Variants in PAGE2B observed in about 807,000 individuals in gnomAD.
PAGE2B encodes putative G antigen family E member 3.
PAGE2B carries 5 observed loss-of-function variants against 7.6 expected under a neutral mutation model. The ratio of observed to expected loss-of-function variants is 0.66; its 90% CI spans 0.34 to 1.38. The LOEUF (loss-of-function observed/expected upper bound fraction) is 1.38. PAGE2B is among the 40% of genes most tolerant of loss of function. The pLI is 0.04. For missense variants in PAGE2B, 70 were observed against 78.4 expected (o/e 0.89, Z 0.41); for synonymous variants, 29 against 26.7 (o/e 1.09, Z -0.27).
At chrX:55,050,651 C>A in the PAGE2B span, among the ~76,000 whole-genome samples, 2 of 110,349 alleles carry the variant, frequency 1.8e-5, no homozygotes, top group Middle Eastern at 4.7e-3. Flanking sequence ...TTTTGTTTTC[C>A]ATTTGCTTGG....
At chrX:55,045,471 T>C in the PAGE2B span, among the ~76,000 whole-genome samples, 1 of 111,681 alleles carries the variant, frequency 9.0e-6, no homozygotes, top group Non-Finnish European at 1.9e-5. Context: ...CATTTTTCTA[T>C]GACTAACATG....
At chrX:55,065,313 T>C in the PAGE2B span, among the ~76,000 whole-genome samples, 1 of 111,956 alleles carries the variant, frequency 8.9e-6, no homozygotes, top group Non-Finnish European at 1.9e-5. Flanking sequence ...ACCTTCTTTG[T>C]CTCTTCTCAT....
the PAGE2B span, chrX:55,055,539 CTCT>C: frequency 8.9e-6 from 1 of 112,653 alleles, no homozygotes; most frequent in African/African-American, 3.3e-5. Context: ...CTGCTTTTAT[CTCT>C]TCTTTGCATT....
chrX:55,063,520 C>T, the PAGE2B span, among the ~76,000 whole-genome samples: 21 of 110,534 alleles, frequency 1.9e-4, no homozygotes, highest in African/African-American at 3.9e-4. Context: ...AAGGATGATT[C>T]GACTCCTTCC....
upstream of PAGE2B, among the ~76,000 whole-genome samples, chrX:55,070,036 C>T (rs1209689740): frequency 9.0e-6 from 1 of 111,050 alleles, no homozygotes; most frequent in Admixed American, 9.6e-5. Context: ...TTTGTATCTC[C>T]TTCAGTTCTG....
chrX:55,039,484 C>T, the PAGE2B span, among the ~76,000 whole-genome samples: 3 of 95,702 alleles, frequency 3.1e-5, no homozygotes, highest in Admixed American at 1.2e-4. Flanking sequence ...GAAGAAAATT[C>T]TTTTTTTTTT....
At chrX:55,074,605 C>T (rs1285255425), upstream of PAGE2B, among the ~76,000 whole-genome samples, 1 of 112,106 alleles carries the variant, frequency 8.9e-6, no homozygotes, top group East Asian at 2.8e-4. Flanking sequence ...CAACCAAAAA[C>T]TATGAATGTC....
chrX:55,037,067 A>C, the PAGE2B span, among the ~76,000 whole-genome samples: 2 of 111,833 alleles, frequency 1.8e-5, no homozygotes, highest in African/African-American at 3.3e-5. Context: ...TAATTAAACT[A>C]AAGAGCTTCT....
chrX:55,036,445 G>C, the PAGE2B span, among the ~76,000 whole-genome samples: 4 of 111,032 alleles, frequency 3.6e-5, no homozygotes, highest in Non-Finnish European at 7.5e-5. Context: ...GTTTGTCATA[G>C]ATAGCTCTTA....
chrX:55,039,225 T>TC, the PAGE2B span, among the ~76,000 whole-genome samples: 1 of 110,704 alleles, frequency 9.0e-6, no homozygotes. Context: ...TGAGTGATTT[T>TC]CCCCCCCTGG....
At chrX:55,067,585 G>A in the PAGE2B span, among the ~76,000 whole-genome samples, 6 of 111,405 alleles carry the variant, frequency 5.4e-5, no homozygotes, top group African/African-American at 2.0e-4. Context: ...GAGATTGCTG[G>A]GTCAAATGGT....
the PAGE2B span, among the ~76,000 whole-genome samples, chrX:55,047,632 T>C: frequency 8.0e-5 from 9 of 111,995 alleles, no homozygotes; most frequent in Non-Finnish European, 1.5e-4. Context: ...AGATGGTATC[T>C]CATTGTGGTT....
the PAGE2B span, among the ~76,000 whole-genome samples, chrX:55,051,864 C>A: frequency 1.5e-3 from 168 of 112,154 alleles, no homozygotes; most frequent in Non-Finnish European, 2.3e-3. Flanking sequence ...AGCTGCGTTC[C>A]TTTGGAGGAG....
At chrX:55,049,998 C>G in the PAGE2B span, among the ~76,000 whole-genome samples, 4 of 111,859 alleles carry the variant, frequency 3.6e-5, no homozygotes, top group Non-Finnish European at 7.5e-5. Context: ...AGAGATTCTG[C>G]TATGTTGTGT....
chrX:55,035,607 C>T, the PAGE2B span, among the ~76,000 whole-genome samples: 36 of 111,824 alleles, frequency 3.2e-4, no homozygotes, highest in Middle Eastern at 4.6e-3. Context: ...CTTGGTTCTT[C>T]TAAATGTTAC....
the PAGE2B span, among the ~76,000 whole-genome samples, chrX:55,068,002 A>C: frequency 8.9e-6 from 1 of 112,147 alleles, no homozygotes; most frequent in Admixed American, 9.4e-5. Flanking sequence ...CCCATTCTGT[A>C]GGTTGCCTGT....
Position 55,076,508 on chromosome X carries a change from C to T in PAGE2B, c.85-61C>T, listed in dbSNP as rs1296996225. 14 of 1,005,339 alleles carry T rather than the reference C, an allele frequency of 1.4e-5. No homozygotes were observed. In the East Asian group the frequency reaches 4.6e-4, roughly 33 times the overall value. The allele number at this position is 1,005,339 out of a possible 1,213,427, so 82.9% of individuals were successfully genotyped here. On this transcript the variant is annotated intron_variant, in intron 2 of 4. Transcript: ENST00000374971. ...GTCTTTAGATGTGTGATTCGATGCA[C>T]ATATGCATTTGTGTATTTATATTAT... is the stretch of plus-strand genomic sequence containing the variant.
At chrX:55,030,733 T>C in the PAGE2B span, among the ~76,000 whole-genome samples, 2 of 106,425 alleles carry the variant, frequency 1.9e-5, no homozygotes, top group Non-Finnish European at 3.9e-5. Context: ...CAAAAGAAAG[T>C]AACGAAGGGA....
At chrX:55,052,880 C>T in the PAGE2B span, among the ~76,000 whole-genome samples, 7 of 112,778 alleles carry the variant, frequency 6.2e-5, no homozygotes, top group African/African-American at 1.3e-4. Context: ...CCGTCTTCTG[C>T]GTCGCTCATG....
Sources: allele counts gnomAD v4.1 joint callset (sites outside exome capture counted in the v4.1 genomes callset), GRCh38; gene constraint gnomAD v4.1.1; transcripts MANE v1.5; gene names NCBI Gene and HGNC (gene_info 2026-07-23, HGNC 2026-07-21).